ABL1: variants seen among roughly 807,000 people sequenced by gnomAD.
The protein encoded by ABL1 is ABL proto-oncogene 1, non-receptor tyrosine kinase.
Under a neutral mutation model 94.7 loss-of-function variants are expected in ABL1, and 11 were observed. The ratio of observed to expected loss-of-function variants is 0.12; its 90% CI spans 0.07 to 0.19. The LOEUF (loss-of-function observed/expected upper bound fraction) is 0.19. Among genes scored for constraint, ABL1 ranks in the 10% least tolerant of loss-of-function variants. ABL1 has a pLI of 1.00. For synonymous variants in ABL1, 656 were observed against 622.4 expected (o/e 1.05, Z -0.80); for missense variants, 1,082 against 1,489.4 (o/e 0.73, Z 4.50).
chr9:130,728,187 C>T (rs1409215560), intron 1 of ABL1, among the ~76,000 whole-genome samples: 1 of 149,334 alleles, frequency 6.7e-6, no homozygotes, highest in African/African-American at 2.5e-5. Flanking sequence ...CCTCAGCCTC[C>T]TGAGTAGCTG....
In ABL1 at chr9:130,756,692, A is replaced by G. The variant is rs140796885; in HGVS notation, c.136+42237A>G. 6.6e-4 allele frequency among the ~76,000 whole-genome samples: 100 copies of G among 152,294 alleles called. 1 individual carries two copies. The East Asian group carries it at 0.019, about 29-fold the overall frequency. On this transcript the variant is annotated intron_variant, in intron 1 of 10. Coordinates refer to the ABL1 transcript ENST00000372348. ...TGCTCCTTGCTGAGTATCTTCAGAT[A>G]TCTAAAAGAAACTTGTAACACAGCG...
intron 1 of ABL1, among the ~76,000 whole-genome samples, chr9:130,769,264 T>C (rs1832221959): frequency 6.6e-6 from 1 of 152,032 alleles, no homozygotes; most frequent in African/African-American, 2.4e-5. Context: ...AATCAGTTGT[T>C]GTTTAACTTT....
At chr9:130,725,205 A>G (rs180712609) in intron 1 of ABL1, among the ~76,000 whole-genome samples, 241 of 152,266 alleles carry the variant, frequency 1.6e-3, no homozygotes, top group African/African-American at 5.4e-3. Context: ...CATCCTAAGT[A>G]GAAACTCTGT....
chr9:130,790,465 T>TTTTATTTATTTATTTA lies in ABL1; in HGVS notation c.137-63578_137-63563dup, dbSNP rs57807270. Among the ~76,000 whole-genome samples, 86 of 148,006 alleles carry TTTTATTTATTTATTTA rather than the reference T, an allele frequency of 5.8e-4. 2 individuals are homozygous for TTTTATTTATTTATTTA. Among genetic ancestry groups the TTTTATTTATTTATTTA allele is most frequent in the African/African-American group, 1.9e-3 (76 of 40,512 alleles). On this transcript the variant is annotated intron_variant, in intron 1 of 10. Coordinates refer to the ABL1 transcript ENST00000372348. ...TGCATTCTACTTTCTTTCATTTTTA[T>TTTTATTTATTTATTTA]TTTATTTATTTATTTATTTATTTAT...
exon 1 of ABL1, chr9:130,714,185 G>C (rs1831406690): frequency 1.2e-6 from 1 of 851,064 alleles, no homozygotes; most frequent in South Asian, 3.3e-5. Context: ...GTCTTTCTGT[G>C]ATTGACTTCA....
intron 4 of ABL1, among the ~76,000 whole-genome samples, chr9:130,867,950 T>G (rs1333285121): frequency 6.7e-6 from 1 of 149,684 alleles, no homozygotes; most frequent in Non-Finnish European, 1.5e-5. Flanking sequence ...TTTTTTTTTT[T>G]GCTTTTTGTT....
intron 1 of ABL1, among the ~76,000 whole-genome samples, chr9:130,789,953 T>G (rs566185279): frequency 6.6e-6 from 1 of 152,082 alleles, no homozygotes. Context: ...CTAATTGGAG[T>G]TCCAGAAGAA....
At chr9:130,761,551 A>G (rs1462674548) in intron 1 of ABL1, among the ~76,000 whole-genome samples, 1 of 152,180 alleles carries the variant, frequency 6.6e-6, no homozygotes, top group Non-Finnish European at 1.5e-5. Flanking sequence ...AATTTTTTCA[A>G]AAGTCATTAT....
intron 1 of ABL1, among the ~76,000 whole-genome samples, chr9:130,841,998 C>A (rs79018042): frequency 0.058 from 8,472 of 145,456 alleles, 503 homozygotes; most frequent in African/African-American, 0.15. Flanking sequence ...GAGACAGAGA[C>A]TGAGAGACAA....
intron 1 of ABL1, among the ~76,000 whole-genome samples, chr9:130,750,488 G>A (rs973741110): frequency 1.5e-5 from 2 of 132,472 alleles, no homozygotes; most frequent in African/African-American, 5.6e-5. Context: ...GTCTCACTGT[G>A]TTGCCCAGGC....
chr9:130,831,254 C>T (rs1830491977), upstream of ABL1, among the ~76,000 whole-genome samples: 1 of 152,154 alleles, frequency 6.6e-6, no homozygotes, highest in South Asian at 2.1e-4. Context: ...CCAAGCCAGG[C>T]CTCCTGTCAG....
chr9:130,763,667 C>T (rs1832145273), intron 1 of ABL1, among the ~76,000 whole-genome samples: 2 of 152,234 alleles, frequency 1.3e-5, no homozygotes, highest in African/African-American at 4.8e-5. Flanking sequence ...ACACGGACCT[C>T]TCCACATGCT....
intron 1 of ABL1, among the ~76,000 whole-genome samples, chr9:130,760,664 C>T (rs1352043818): frequency 2.6e-5 from 4 of 151,946 alleles, no homozygotes; most frequent in African/African-American, 7.3e-5. Context: ...TATTTCCTCC[C>T]CCACTTTTTT....
Position 130,872,786 on chromosome 9 carries a change from C to G in ABL1, c.908-74C>G. Reference sequence around the variant, plus strand: ...AGCAGAGTCAGAATCCTTCAGAAGGCTTTTTCTTTAGACAGTTGTTTGTTC... The same window carrying G: ...AGCAGAGTCAGAATCCTTCAGAAGGGTTTTTCTTTAGACAGTTGTTTGTTC... On this transcript the variant is annotated intron_variant, in intron 5 of 10. Coordinates refer to ENST00000318560, the MANE Select transcript of ABL1 (RefSeq NM_005157.6). The surrounding 1 kb of genome is among the most constrained non-coding windows in gnomAD (Gnocchi z 5.0). 1 of 1,477,894 alleles carries G rather than the reference C, an allele frequency of 6.8e-7. No homozygotes were observed. The highest frequency in any genetic ancestry group is 9.2e-7 in the Non-Finnish European group (1 of 1,088,904). The allele number at this position is 1,477,894 out of a possible 1,614,324, so 91.5% of individuals were successfully genotyped here.
intron 4 of ABL1, among the ~76,000 whole-genome samples, chr9:130,867,623 G>A (rs959246831): frequency 1.3e-5 from 2 of 152,180 alleles, no homozygotes; most frequent in African/African-American, 2.4e-5. Flanking sequence ...AGTGTGTTTC[G>A]GTTTTATTTC....
At chr9:130,839,378 C>T (rs1830635177) in intron 1 of ABL1, among the ~76,000 whole-genome samples, 1 of 152,212 alleles carries the variant, frequency 6.6e-6, no homozygotes, top group Non-Finnish European at 1.5e-5. Context: ...CTGCTCTCTC[C>T]TGAGGTCATC....
At chr9:130,753,274 T>TG (rs1158653986) in intron 1 of ABL1, among the ~76,000 whole-genome samples, 3 of 152,002 alleles carry the variant, frequency 2.0e-5, no homozygotes. Flanking sequence ...AGAACACCCT[T>TG]GGTAGCTCCT....
In ABL1 at chr9:130,883,983, G is replaced by A. The variant is rs777506007; in HGVS notation, c.1693G>A (p.Glu565Lys). ...GQGESDPLDH[E>K]PAVSPLLPRK... ...TTGCGTTTCAGATCCTCTGGACCAT[G>A]AGCCTGCCGTGTCTCCATTGCTCCC... is the stretch of plus-strand genomic sequence containing the variant. Residue 565 changes from glutamate (E) to lysine (K), a missense_variant, in exon 11 of 11, where the codon GAG becomes AAG. By Grantham distance (56) the Glu-to-Lys change is moderately conservative. This residue lies in a region of ABL1 where 780 missense variants were observed against 835.8 expected (regional missense o/e 0.93). Coordinates refer to ENST00000318560, the MANE Select transcript of ABL1 (RefSeq NM_005157.6). 19 of 1,612,208 alleles carry A rather than the reference G, an allele frequency of 1.2e-5. No individual in the cohort carries two copies. The highest frequency in any genetic ancestry group is 2.2e-5 in the South Asian group (2 of 90,926).
chr9:130,866,142 T>C (rs1831152577), intron 4 of ABL1, among the ~76,000 whole-genome samples: 1 of 152,170 alleles, frequency 6.6e-6, no homozygotes, highest in African/African-American at 2.4e-5. Flanking sequence ...ACATTCACCC[T>C]GTATCAACAT....
Sources: gnomAD v4.1 joint callset for allele counts (sites outside exome capture counted in the v4.1 genomes callset) on GRCh38, gnomAD v4.1.1 for gene constraint, gnomAD v4.1.1 regional missense constraint, Gnocchi (gnomAD v3.1) non-coding constraint, MANE v1.5 for transcripts, NCBI Gene and HGNC (gene_info 2026-07-23, HGNC 2026-07-21) for gene names.